Variants in AGBL1 observed in about 807,000 individuals in gnomAD.
The protein encoded by AGBL1 is cytosolic carboxypeptidase 4.
A neutral mutation model predicts 118.9 loss-of-function variants in AGBL1; 130 were observed. The ratio of observed to expected loss-of-function variants is 1.09; its 90% confidence interval spans 0.95 to 1.26. The LOEUF is 1.26. Ranked by LOEUF, AGBL1 falls within the 50% of genes most tolerant of loss-of-function variation. The pLI is 0.00. For missense variants in AGBL1, 1,584 were observed against 1,298.1 expected, an observed-to-expected ratio of 1.22 and a Z score of -3.38; for synonymous variants, 555 against 478.9, an observed-to-expected ratio of 1.16 and a Z score of -2.08.
chr15:86,883,557 C>T (rs1411682469), intron 22 of AGBL1, among the ~76,000 whole-genome samples: 1 of 152,114 alleles, frequency 6.6e-6, no homozygotes, highest in East Asian at 1.9e-4. Context: ...TGCTGAGCTC[C>T]TAGGGTGCAT....
intron 22 of AGBL1, among the ~76,000 whole-genome samples, chr15:86,832,170 C>A (rs923238307): frequency 1.3e-5 from 2 of 152,172 alleles, no homozygotes; most frequent in Non-Finnish European, 2.9e-5. Flanking sequence ...TCCTCCTAGG[C>A]CCCCAGGTCT....
At chr15:86,291,903 G>A (rs1434603569) in intron 16 of AGBL1, among the ~76,000 whole-genome samples, 1 of 152,152 alleles carries the variant, frequency 6.6e-6, no homozygotes, top group Non-Finnish European at 1.5e-5. Flanking sequence ...CAAAGATTTG[G>A]TTAGATACAT....
chr15:87,009,651 C>G lies in AGBL1; in HGVS notation c.3324-19174C>G, dbSNP rs1382608578. Among the ~76,000 whole-genome samples, 4 of 152,280 alleles carry G rather than the reference C, an allele frequency of 2.6e-5. No individual in the cohort carries two copies. The South Asian group carries it at 6.2e-4, about 24-fold the overall frequency. ...AAAGCCACAGACACTCAATGCCAGC[C>G]CACAAAAGCAGCTGGGAGGGAGGCT... On this transcript the variant is annotated intron_variant, in intron 24 of 24. Coordinates refer to the AGBL1 transcript ENST00000441037.
chr15:87,003,105 G>A (rs1040858060), intron 24 of AGBL1, among the ~76,000 whole-genome samples: 8 of 152,240 alleles, frequency 5.3e-5, no homozygotes, highest in Middle Eastern at 3.4e-3. Flanking sequence ...TATGATATTG[G>A]CTGTGGGTTT....
At chr15:86,261,913 C>T (rs1313760584) in intron 9 of AGBL1, among the ~76,000 whole-genome samples, 1 of 151,940 alleles carries the variant, frequency 6.6e-6, no homozygotes, top group East Asian at 1.9e-4. Context: ...CCAGCTCCTC[C>T]CCAGGTCTCA....
chr15:86,784,409 A>G (rs2141315807), intron 22 of AGBL1, among the ~76,000 whole-genome samples: 1 of 152,300 alleles, frequency 6.6e-6, no homozygotes, highest in Admixed American at 6.5e-5. Context: ...TTGCCAGAGC[A>G]TATTCTCTGC....
Position 86,545,958 on chromosome 15 carries a change from T to C in AGBL1, c.2686-44T>C, listed in dbSNP as rs770276015. On this transcript the variant is annotated intron_variant, in intron 19 of 22. Transcript: ENST00000614907. ...GATTTAAGTGGATTTAAGAAACCAA[T>C]GACCTGACCTGGTTTTATTTTCTCC... is the stretch of plus-strand genomic sequence containing the variant. The C allele has an allele frequency of 8.2e-6, 13 of 1,593,414 alleles. No individual in the cohort carries two copies. In the South Asian group the frequency reaches 1.3e-4, roughly 16 times the overall value.
At chr15:86,464,830 G>A (rs541756835) in intron 18 of AGBL1, among the ~76,000 whole-genome samples, 1 of 152,134 alleles carries the variant, frequency 6.6e-6, no homozygotes, top group South Asian at 2.1e-4. Context: ...CATGCTGCTG[G>A]ATTCAGTTTG....
At chr15:87,027,037 A>C (rs1272237551) in intron 24 of AGBL1, among the ~76,000 whole-genome samples, 1 of 152,148 alleles carries the variant, frequency 6.6e-6, no homozygotes, top group African/African-American at 2.4e-5. Flanking sequence ...CGTGCAGTGC[A>C]TACTGCTTGG....
intron 22 of AGBL1, among the ~76,000 whole-genome samples, chr15:86,726,587 G>T (rs1440021569): frequency 6.6e-6 from 1 of 152,082 alleles, no homozygotes; most frequent in Non-Finnish European, 1.5e-5. Context: ...TTTGAAATAG[G>T]TTCCTGCCTT....
intron 22 of AGBL1, among the ~76,000 whole-genome samples, chr15:86,756,045 A>G (rs1439585843): frequency 2.0e-5 from 3 of 152,122 alleles, no homozygotes; most frequent in Non-Finnish European, 2.9e-5. Flanking sequence ...TTTGGTTCTC[A>G]GTTGAGGTTA....
chr15:86,471,694 T>C (rs2082481478), intron 18 of AGBL1, among the ~76,000 whole-genome samples: 1 of 152,152 alleles, frequency 6.6e-6, no homozygotes, highest in South Asian at 2.1e-4. Flanking sequence ...TTTCCCTCTT[T>C]AGGGCATTCC....
intron 22 of AGBL1, among the ~76,000 whole-genome samples, chr15:86,744,898 G>T (rs1282659667): frequency 2.6e-5 from 4 of 152,154 alleles, no homozygotes; most frequent in Admixed American, 6.6e-5. Flanking sequence ...GCAAACCTCT[G>T]TTGATCTGCG....
intron 21 of AGBL1, among the ~76,000 whole-genome samples, chr15:86,563,377 A>T (rs372528238): frequency 0.012 from 1,845 of 152,104 alleles, 17 homozygotes; most frequent in Middle Eastern, 0.024. Context: ...GAACATCTTT[A>T]TTTCTGCCTT....
At chr15:86,176,000 G>A (rs553447064) in intron 5 of AGBL1, among the ~76,000 whole-genome samples, 18 of 152,268 alleles carry the variant, frequency 1.2e-4, no homozygotes, top group Admixed American at 4.6e-4. Context: ...TTAGGTCTAC[G>A]TGTTCTCAGG....
intron 21 of AGBL1, among the ~76,000 whole-genome samples, chr15:86,586,816 T>C (rs1171876676): frequency 6.6e-6 from 1 of 152,170 alleles, no homozygotes; most frequent in Non-Finnish European, 1.5e-5. Flanking sequence ...AGTTAAGCTT[T>C]GTTTAAAAAC....
intron 6 of AGBL1, among the ~76,000 whole-genome samples, chr15:86,228,439 A>G (rs1461359265): frequency 2.6e-5 from 4 of 152,144 alleles, no homozygotes; most frequent in Non-Finnish European, 4.4e-5. Flanking sequence ...TTGCATCCCA[A>G]AAAGGAAATA....
intron 18 of AGBL1, among the ~76,000 whole-genome samples, chr15:86,449,463 C>T (rs527364196): frequency 2.4e-4 from 36 of 152,266 alleles, no homozygotes; most frequent in Non-Finnish European, 4.3e-4. Context: ...AGTGGTTGAA[C>T]GTCTATGCTA....
At chr15:86,452,992 C>T (rs1274469544) in intron 18 of AGBL1, among the ~76,000 whole-genome samples, 1 of 152,184 alleles carries the variant, frequency 6.6e-6, no homozygotes, top group Non-Finnish European at 1.5e-5. Flanking sequence ...CATAGCACAT[C>T]CTATATGCCT....
Sources: allele counts gnomAD v4.1 joint callset (sites outside exome capture counted in the v4.1 genomes callset), GRCh38; gene constraint gnomAD v4.1.1; transcripts MANE v1.5; gene names NCBI Gene and HGNC (gene_info 2026-07-23, HGNC 2026-07-21).